VPS13C: variants seen among roughly 807,000 people sequenced by gnomAD.
VPS13C encodes the protein intermembrane lipid transfer protein VPS13C.
A neutral mutation model predicts 456.8 loss-of-function variants in VPS13C; 358 were observed. The ratio of observed to expected loss-of-function variants is 0.78; its 90% CI spans 0.72 to 0.86. VPS13C has a LOEUF of 0.86. Among genes scored for constraint, VPS13C ranks in the 40% least tolerant of loss-of-function variants. VPS13C has a pLI of 0.00. For missense variants in VPS13C, 4,818 were observed against 4,385.4 expected (o/e 1.10, Z -2.79); for synonymous variants, 1,578 against 1,486.7 (o/e 1.06, Z -1.41).
intron 5 of VPS13C, 113 bp downstream of exon 5, chr15:62,033,328 T>C: frequency 1.7e-6 from 1 of 576,580 alleles, no homozygotes; most frequent in Non-Finnish European, 2.7e-6. Context: ...TAAAAAAAAA[T>C]TATGTCTTTA....
intron 81 of VPS13C, chr15:61,863,737 T>G: frequency 2.5e-6 from 1 of 398,948 alleles, no homozygotes; most frequent in Non-Finnish European, 4.5e-6. Flanking sequence ...GAAAAACATG[T>G]AATAAATGCT....
intron 27 of VPS13C, among the ~76,000 whole-genome samples, chr15:61,970,895 GAA>G: frequency 6.7e-6 from 1 of 148,356 alleles, no homozygotes; most frequent in South Asian, 2.1e-4. Flanking sequence ...AGCCATGCAG[GAA>G]AAGAGTGTTC....
intron 22 of VPS13C, among the ~76,000 whole-genome samples, chr15:61,979,301 T>C (rs1195477075): frequency 6.6e-6 from 1 of 152,210 alleles, no homozygotes; most frequent in African/African-American, 2.4e-5. Context: ...CAAAACTGTT[T>C]TGTACCAAAA....
At chr15:61,876,360 A>G (rs1259312453) in intron 75 of VPS13C, among the ~76,000 whole-genome samples, 1 of 152,052 alleles carries the variant, frequency 6.6e-6, no homozygotes, top group East Asian at 1.9e-4. Flanking sequence ...AGTAATTGTT[A>G]GTTTTTTTTA....
intron 51 of VPS13C, 62 bp downstream of exon 51, chr15:61,929,439 C>T: frequency 1.3e-6 from 2 of 1,526,588 alleles, no homozygotes; most frequent in Non-Finnish European, 8.8e-7. Context: ...TCTCTTTTTT[C>T]TGGTTTGTAA....
Position 61,852,504 on chromosome 15 carries a change from T to C in VPS13C, c.*1953A>G, listed in dbSNP as rs980318155. Reference sequence around the variant, plus strand: ...ACACTTTACCAATGAATTATTTCTGTCCCTGGAGATTAAATCAAATCAAAA... The same window carrying C: ...ACACTTTACCAATGAATTATTTCTGCCCCTGGAGATTAAATCAAATCAAAA... On this transcript the variant is annotated 3_prime_UTR_variant, in exon 85 of 85. Coordinates refer to ENST00000644861, the MANE Select transcript of VPS13C (RefSeq NM_020821.3). The C allele has an allele frequency of 6.6e-6, 1 of 152,224 alleles. No homozygotes were observed. The highest frequency in any genetic ancestry group is 2.4e-5 in the African/African-American group (1 of 41,464). The allele number at this position is 152,224 out of a possible 1,614,324, so 9.4% of individuals were successfully genotyped here.
intron 27 of VPS13C, among the ~76,000 whole-genome samples, chr15:61,970,859 T>TAA (rs71125959): frequency 2.4e-5 from 3 of 125,854 alleles, no homozygotes; most frequent in East Asian, 4.6e-4. Context: ...GAAGTTAGTT[T>TAA]AAAAAAAAAA....
chr15:61,951,488 A>G (rs1013623993), intron 39 of VPS13C, among the ~76,000 whole-genome samples: 3 of 152,166 alleles, frequency 2.0e-5, no homozygotes, highest in South Asian at 4.1e-4. Context: ...AGGGAAGGAC[A>G]TGAGACTACA....
chr15:61,929,392 T>C lies in VPS13C; in HGVS notation c.6286+109A>G, dbSNP rs2043976711. On this transcript the variant is annotated intron_variant, in intron 51 of 84. Transcript: ENST00000644861. The stretch of plus-strand genomic sequence containing the variant: ...AGTTTTTATATAGAATATGTTTAAA[T>C]ATAAAAGACTAATTTTACGTTCTTA... 1.5e-5 allele frequency: 21 copies of C among 1,377,704 alleles called. No individual in the cohort carries two copies. In the South Asian group the frequency reaches 3.2e-4, roughly 21 times the overall value. The allele number at this position is 1,377,704 out of a possible 1,614,324, so 85.3% of individuals were successfully genotyped here. A position where few individuals can be genotyped will look rare whatever the true frequency, so the allele number is the denominator to read the frequency against.
chr15:62,005,542 G>C (rs972782876), intron 15 of VPS13C, among the ~76,000 whole-genome samples: 1 of 150,548 alleles, frequency 6.6e-6, no homozygotes, highest in Admixed American at 6.6e-5. Flanking sequence ...TGTTATGTGT[G>C]AATTTGATCC....
At chr15:61,974,493 TAG>T in intron 24 of VPS13C, 76 bp from the exon 25 acceptor site, 1 of 1,496,802 alleles carries the variant, frequency 6.7e-7, no homozygotes, top group Non-Finnish European at 9.1e-7. Context: ...TTAATGTAAT[TAG>T]ATTAAAACAT....
intron 64 of VPS13C, 81 bp from the exon 65 acceptor site, chr15:61,909,206 C>T (rs2043230688): frequency 6.5e-7 from 1 of 1,547,318 alleles, no homozygotes; most frequent in Non-Finnish European, 8.7e-7. Flanking sequence ...TTACGTAAAA[C>T]ACAAAAGCTT....
chr15:62,003,918 T>A (rs933753258), intron 15 of VPS13C, among the ~76,000 whole-genome samples: 2 of 151,638 alleles, frequency 1.3e-5, no homozygotes, highest in African/African-American at 4.8e-5. Flanking sequence ...TGGATTCGGT[T>A]TGCCAGTATT....
chr15:61,962,561 T>C (rs1438859937), intron 33 of VPS13C, 23 bp from the exon 34 acceptor site: 2 of 1,598,210 alleles, frequency 1.3e-6, no homozygotes, highest in African/African-American at 1.3e-5. Flanking sequence ...GACTTGAATG[T>C]ACTCTATCCG....
chr15:62,026,527 A>G (rs1319980340), intron 6 of VPS13C, among the ~76,000 whole-genome samples: 2 of 152,090 alleles, frequency 1.3e-5, no homozygotes, highest in African/African-American at 4.8e-5. Flanking sequence ...AAATACTGCC[A>G]GTTCCTTTTC....
At chr15:61,953,171 C>T (rs1276347740) in intron 38 of VPS13C, among the ~76,000 whole-genome samples, 1 of 152,072 alleles carries the variant, frequency 6.6e-6, no homozygotes, top group African/African-American at 2.4e-5. Context: ...GCCTGTTCCT[C>T]TTTCTGCCTT....
chr15:61,965,280 T>C (rs1336959644), intron 30 of VPS13C, among the ~76,000 whole-genome samples: 1 of 151,886 alleles, frequency 6.6e-6, no homozygotes, highest in African/African-American at 2.4e-5. Context: ...AAAGGTGGCA[T>C]CCGTGAAATT....
intron 67 of VPS13C, among the ~76,000 whole-genome samples, chr15:61,884,503 T>C (rs1025457000): frequency 5.9e-5 from 9 of 152,074 alleles, no homozygotes; most frequent in African/African-American, 1.9e-4. Flanking sequence ...ACTGGCAAAC[T>C]TTTTCTGCAG....
intron 67 of VPS13C, among the ~76,000 whole-genome samples, chr15:61,887,859 G>A (rs1239815455): frequency 6.6e-6 from 1 of 152,090 alleles, no homozygotes; most frequent in African/African-American, 2.4e-5. Context: ...TGATAAGTCT[G>A]AGGTAAAATA....
Sources: gnomAD v4.1 joint callset for allele counts (sites outside exome capture counted in the v4.1 genomes callset) on GRCh38, gnomAD v4.1.1 for gene constraint, MANE v1.5 for transcripts, NCBI Gene and HGNC (gene_info 2026-07-23, HGNC 2026-07-21) for gene names.